CNTNAP2: variants seen among roughly 807,000 people sequenced by gnomAD.
CNTNAP2 encodes contactin associated protein 2.
CNTNAP2 carries 98 observed loss-of-function variants against 155.2 expected under a neutral mutation model. That is an observed-to-expected ratio of 0.63 (90% confidence interval 0.54 to 0.75). The LOEUF is 0.75. CNTNAP2 is among the 30% of genes least tolerant of loss of function. The probability of loss-of-function intolerance (pLI) is 0.00; values close to 1 mark genes in which losing one functional copy is unlikely to be tolerated. For missense variants in CNTNAP2, 1,727 were observed against 1,688.1 expected (o/e 1.02, Z -0.40); for synonymous variants, 651 against 631.2 (o/e 1.03, Z -0.47).
chr7:147,135,333 GT>G (rs1293529727), intron 8 of CNTNAP2, among the ~76,000 whole-genome samples: 1 of 151,558 alleles, frequency 6.6e-6, no homozygotes, highest in Non-Finnish European at 1.5e-5. Flanking sequence ...CAACATCAAC[GT>G]TTTCTGATGG....
At chr7:148,230,616 G>A (rs1395355166) in intron 20 of CNTNAP2, among the ~76,000 whole-genome samples, 1 of 152,216 alleles carries the variant, frequency 6.6e-6, no homozygotes, top group Non-Finnish European at 1.5e-5. Context: ...GCTGTGGGAA[G>A]TTCAGGTTGC....
At chr7:148,113,441 C>G (rs1057017645) in intron 15 of CNTNAP2, among the ~76,000 whole-genome samples, 1 of 152,228 alleles carries the variant, frequency 6.6e-6, no homozygotes, top group African/African-American at 2.4e-5. Context: ...ATCCAATCAC[C>G]TCCCACCAGG....
intron 1 of CNTNAP2, among the ~76,000 whole-genome samples, chr7:146,387,461 C>T (rs375619461): frequency 9.9e-5 from 15 of 152,166 alleles, no homozygotes; most frequent in African/African-American, 3.1e-4. Flanking sequence ...CTACTTCTTC[C>T]GGATGGGTAG....
chr7:147,791,384 T>G (rs1797815610), intron 13 of CNTNAP2, among the ~76,000 whole-genome samples: 1 of 152,106 alleles, frequency 6.6e-6, no homozygotes, highest in Non-Finnish European at 1.5e-5. Flanking sequence ...ACATTTTATC[T>G]GATTTGTCAT....
At chr7:148,102,056 G>T (rs1350235597) in intron 15 of CNTNAP2, among the ~76,000 whole-genome samples, 1 of 152,118 alleles carries the variant, frequency 6.6e-6, no homozygotes, top group African/African-American at 2.4e-5. Context: ...GGGGGTTGTT[G>T]TACAGATTAT....
chr7:146,368,420 G>A (rs1795184966), intron 1 of CNTNAP2, among the ~76,000 whole-genome samples: 1 of 152,088 alleles, frequency 6.6e-6, no homozygotes, highest in African/African-American at 2.4e-5. Context: ...GTATGGTATT[G>A]TACGGTACGG....
intron 1 of CNTNAP2, among the ~76,000 whole-genome samples, chr7:146,393,524 C>T (rs1248043399): frequency 6.6e-6 from 1 of 152,158 alleles, no homozygotes; most frequent in Non-Finnish European, 1.5e-5. Flanking sequence ...CATTTTATCC[C>T]TGCTTTGCTG....
chr7:148,377,474 G>A lies in CNTNAP2; in HGVS notation c.3476-6175G>A, dbSNP rs1422772793. Among the ~76,000 whole-genome samples the A allele has an allele frequency of 3.1e-4, 21 of 67,416 alleles. 6 individuals are homozygous for A. Among genetic ancestry groups the A allele is most frequent in the African/African-American group, 7.7e-4 (21 of 27,422 alleles). The allele number at this position is 67,416 out of a possible 152,430, so 44.2% of individuals were successfully genotyped here. On this transcript the variant is annotated intron_variant, in intron 21 of 23. Coordinates refer to ENST00000361727, the MANE Select transcript of CNTNAP2 (RefSeq NM_014141.6). The stretch of plus-strand genomic sequence containing the variant: ...GTCAGTTTTAGAGCAATACAACAAC[G>A]TTTTGAAAGACAAATCCATTTTTAA...
At chr7:147,952,721 G>T (rs1248401677) in intron 14 of CNTNAP2, among the ~76,000 whole-genome samples, 1 of 152,066 alleles carries the variant, frequency 6.6e-6, no homozygotes, top group Non-Finnish European at 1.5e-5. Flanking sequence ...CACGTCACAT[G>T]CAGGTACATA....
chr7:146,669,966 TG>T (rs1280412099), intron 1 of CNTNAP2, among the ~76,000 whole-genome samples: 3 of 152,184 alleles, frequency 2.0e-5, no homozygotes, highest in Non-Finnish European at 4.4e-5. Flanking sequence ...AATCAAATTT[TG>T]TAATCTGTAA....
At chr7:147,633,103 T>C (rs1389017541) in intron 12 of CNTNAP2, among the ~76,000 whole-genome samples, 2 of 152,122 alleles carry the variant, frequency 1.3e-5, no homozygotes, top group East Asian at 3.9e-4. Context: ...GAGGGAAAAA[T>C]CTTTTGTGTG....
intron 10 of CNTNAP2, among the ~76,000 whole-genome samples, chr7:147,449,680 T>G (rs56365020): frequency 0.24 from 35,855 of 151,938 alleles, 4,773 homozygotes; most frequent in East Asian, 0.36. Context: ...AAACATCCAG[T>G]CAGTTTGATT....
chr7:146,351,527 A>G (rs905754530), intron 1 of CNTNAP2, among the ~76,000 whole-genome samples: 3 of 152,210 alleles, frequency 2.0e-5, no homozygotes, highest in African/African-American at 7.2e-5. Flanking sequence ...AAGTCTATCC[A>G]TGTAACATGA....
chr7:147,556,161 T>C (rs1799948954), intron 11 of CNTNAP2, among the ~76,000 whole-genome samples: 1 of 152,190 alleles, frequency 6.6e-6, no homozygotes, highest in African/African-American at 2.4e-5. Context: ...AAAGTCAGTA[T>C]GAAAATTTGA....
chr7:148,306,061 T>TA (rs1366927170), intron 21 of CNTNAP2, among the ~76,000 whole-genome samples: 1 of 152,238 alleles, frequency 6.6e-6, no homozygotes, highest in African/African-American at 2.4e-5. Context: ...AAAATGTCTT[T>TA]ATTCTCCCTC....
chr7:147,841,719 T>C (rs1412822383), intron 13 of CNTNAP2, among the ~76,000 whole-genome samples: 2 of 152,110 alleles, frequency 1.3e-5, no homozygotes, highest in African/African-American at 2.4e-5. Flanking sequence ...AAAGCAAGAA[T>C]GTGTCAATAC....
intron 15 of CNTNAP2, among the ~76,000 whole-genome samples, chr7:147,979,292 AC>A: frequency 7.6e-6 from 1 of 131,656 alleles, no homozygotes; most frequent in South Asian, 2.5e-4. Flanking sequence ...GCTTAGTAAA[AC>A]TGTGCAGAAG....
At chr7:148,171,403 C>T (rs1805791773) in intron 17 of CNTNAP2, among the ~76,000 whole-genome samples, 2 of 152,186 alleles carry the variant, frequency 1.3e-5, no homozygotes, top group African/African-American at 4.8e-5. Context: ...TTGAGTTCGT[C>T]CTTTTATACC....
At chr7:147,440,026 C>T (rs13221977) in intron 10 of CNTNAP2, among the ~76,000 whole-genome samples, 28,366 of 151,830 alleles carry the variant, frequency 0.19, 3,184 homozygotes, top group Non-Finnish European at 0.25. Flanking sequence ...CATTCAGCCA[C>T]TTCTTTTCAT....
Sources: allele counts gnomAD v4.1 joint callset (sites outside exome capture counted in the v4.1 genomes callset), GRCh38; gene constraint gnomAD v4.1.1; transcripts MANE v1.5; gene names NCBI Gene and HGNC (gene_info 2026-07-23, HGNC 2026-07-21).